STK3: variants seen among roughly 807,000 people sequenced by gnomAD.
The protein encoded by STK3 is serine/threonine-protein kinase 3.
Under a neutral mutation model 58.0 loss-of-function variants are expected in STK3, and 41 were observed. The observed-to-expected ratio is 0.71, with a 90% CI of 0.55 to 0.92. STK3 has a LOEUF of 0.92. STK3 is among the 40% of genes least tolerant of loss of function. The pLI is 0.00. For synonymous variants in STK3, 170 were observed against 191.0 expected, an observed-to-expected ratio of 0.89 and a Z score of 0.91; for missense variants, 479 against 602.7, an observed-to-expected ratio of 0.79 and a Z score of 2.15.
At chr8:98,540,802 G>A (rs1460289410) in intron 9 of STK3, among the ~76,000 whole-genome samples, 2 of 151,984 alleles carry the variant, frequency 1.3e-5, no homozygotes, top group Non-Finnish European at 2.9e-5. Context: ...GGTGGTGGGG[G>A]CGGTGGGGGG....
chr8:98,938,751 G>A (rs548320606), intron 1 of STK3, among the ~76,000 whole-genome samples: 12 of 152,170 alleles, frequency 7.9e-5, no homozygotes, highest in Non-Finnish European at 1.5e-4. Flanking sequence ...CCTACTGCAG[G>A]GAGGGTTGGC....
chr8:98,789,433 CA>C (rs539528752), intron 1 of STK3, among the ~76,000 whole-genome samples: 10 of 150,286 alleles, frequency 6.7e-5, no homozygotes, highest in African/African-American at 1.7e-4. Flanking sequence ...TAAATTGAAA[CA>C]AAAAAAATAC....
At chr8:98,776,918 C>T (rs978331250) in intron 1 of STK3, among the ~76,000 whole-genome samples, 1 of 151,816 alleles carries the variant, frequency 6.6e-6, no homozygotes, top group Non-Finnish European at 1.5e-5. Flanking sequence ...GGCATGGTGG[C>T]GGGTACCTGT....
chr8:98,473,880 C>A (rs943620093), intron 10 of STK3, among the ~76,000 whole-genome samples: 3 of 152,112 alleles, frequency 2.0e-5, no homozygotes, highest in Non-Finnish European at 4.4e-5. Flanking sequence ...CTCATACATG[C>A]CCTGGGCTTT....
intron 8 of STK3, among the ~76,000 whole-genome samples, chr8:98,565,062 T>C (rs1282378084): frequency 6.6e-6 from 1 of 152,130 alleles, no homozygotes; most frequent in Non-Finnish European, 1.5e-5. Context: ...ACTTAAAAAA[T>C]TGAGAAAATC....
chr8:98,611,047 G>A (rs1269194878), intron 6 of STK3, among the ~76,000 whole-genome samples: 2 of 151,984 alleles, frequency 1.3e-5, no homozygotes, highest in African/African-American at 2.4e-5. Flanking sequence ...TTTACACAAA[G>A]GCCTATAAAC....
chr8:98,477,730 G>GGGGC (rs1821486583), intron 10 of STK3, among the ~76,000 whole-genome samples: 1 of 105,904 alleles, frequency 9.4e-6, no homozygotes, highest in Non-Finnish European at 2.0e-5. Flanking sequence ...GCGGGGGGGG[G>GGGGC]CCCTAATGAA....
chr8:98,858,348 A>AGAGAGAGAGAGG (rs1836782773), intron 3 of STK3, among the ~76,000 whole-genome samples: 1 of 136,820 alleles, frequency 7.3e-6, no homozygotes, highest in Non-Finnish European at 1.6e-5. Context: ...AGAGAGAGAG[A>AGAGAGAGAGAGG]GAGAGAGAGA....
intron 8 of STK3, among the ~76,000 whole-genome samples, chr8:98,565,178 G>A (rs748605720): frequency 9.9e-5 from 15 of 152,082 alleles, no homozygotes; most frequent in Non-Finnish European, 1.9e-4. Flanking sequence ...ATTGGAATCT[G>A]TTAGGAAGGT....
chr8:98,479,157 G>T (rs544766572), intron 10 of STK3, among the ~76,000 whole-genome samples: 6 of 152,202 alleles, frequency 3.9e-5, no homozygotes, highest in African/African-American at 1.4e-4. Flanking sequence ...GATAGTGCAG[G>T]TGTGTAGTTT....
intron 6 of STK3, among the ~76,000 whole-genome samples, chr8:98,684,408 AAAC>A (rs1823839861): frequency 6.6e-6 from 1 of 152,148 alleles, no homozygotes; most frequent in South Asian, 2.1e-4. Context: ...AGGTGATGAA[AAAC>A]AACTGCTCGA....
At chr8:98,941,972 C>G in intron 1 of STK3, among the ~76,000 whole-genome samples, 1 of 152,232 alleles carries the variant, frequency 6.6e-6, no homozygotes, top group African/African-American at 2.4e-5. Flanking sequence ...CTCGGGGGCA[C>G]AGCCGGGCCA....
At chr8:98,883,568 G>A, downstream of STK3, 3 of 634,326 alleles carry the variant, frequency 4.7e-6, no homozygotes, top group Non-Finnish European at 8.5e-6. Flanking sequence ...TTATTTTAAG[G>A]ACAATAAACA....
chr8:98,497,318 A>G (rs1823214808), intron 10 of STK3, among the ~76,000 whole-genome samples: 1 of 152,194 alleles, frequency 6.6e-6, no homozygotes, highest in African/African-American at 2.4e-5. Flanking sequence ...AAAGACCTAT[A>G]TGTAACAGCT....
intron 6 of STK3, among the ~76,000 whole-genome samples, chr8:98,604,829 T>C (rs950500687): frequency 1.3e-4 from 20 of 152,226 alleles, no homozygotes; most frequent in African/African-American, 4.8e-4. Context: ...CTCATGCATA[T>C]GGGCACAGGT....
intron 4 of STK3, among the ~76,000 whole-genome samples, chr8:98,709,373 A>G (rs571511146): frequency 8.5e-5 from 13 of 152,322 alleles, no homozygotes; most frequent in Admixed American, 2.6e-4. Flanking sequence ...AAAAAGGAAA[A>G]AAAAAGATTA....
At chr8:98,629,698 A>G (rs1819034852) in intron 6 of STK3, among the ~76,000 whole-genome samples, 1 of 152,234 alleles carries the variant, frequency 6.6e-6, no homozygotes, top group South Asian at 2.1e-4. Flanking sequence ...GAAGCCAAGC[A>G]AATATAACAT....
chr8:98,559,913 T>A (rs1811880479), intron 8 of STK3, among the ~76,000 whole-genome samples: 1 of 152,070 alleles, frequency 6.6e-6, no homozygotes, highest in African/African-American at 2.4e-5. Context: ...AAGAAAGGGA[T>A]AATGTAGCTG....
intron 3 of STK3, among the ~76,000 whole-genome samples, chr8:98,866,346 C>G (rs999196236): frequency 2.0e-5 from 3 of 152,202 alleles, no homozygotes. Context: ...GAATCAGGCT[C>G]TCACCCTGTG....
Sources: gnomAD v4.1 joint callset for allele counts (sites outside exome capture counted in the v4.1 genomes callset) on GRCh38, gnomAD v4.1.1 for gene constraint, MANE v1.5 for transcripts, NCBI Gene and HGNC (gene_info 2026-07-23, HGNC 2026-07-21) for gene names.